The following PTPRT variants were observed in gnomAD, a reference collection of about 807,000 sequenced individuals.
The protein encoded by PTPRT is protein tyrosine phosphatase receptor type T.
PTPRT carries 56 observed loss-of-function variants against 176.8 expected under a neutral mutation model. The ratio of observed to expected loss-of-function variants is 0.32; its 90% CI spans 0.26 to 0.40. The LOEUF (loss-of-function observed/expected upper bound fraction) is 0.40. PTPRT is among the 10% of genes least tolerant of loss of function. PTPRT has a pLI of 1.00. For missense variants in PTPRT, 1,540 were observed against 1,908.2 expected, an observed-to-expected ratio of 0.81 and a Z score of 3.60; for synonymous variants, 783 against 739.0, an observed-to-expected ratio of 1.06 and a Z score of -0.96.
chr20:42,603,998 A>C (rs1166751855), intron 7 of PTPRT, among the ~76,000 whole-genome samples: 1 of 152,200 alleles, frequency 6.6e-6, no homozygotes. Context: ...TATTTGTAGA[A>C]GCAAATCCAA....
chr20:42,266,119 C>A (rs528389019), intron 13 of PTPRT, among the ~76,000 whole-genome samples: 3 of 152,264 alleles, frequency 2.0e-5, no homozygotes, highest in African/African-American at 7.2e-5. Flanking sequence ...CATGATTAGG[C>A]CTGGCTGTAC....
chr20:42,565,771 G>A (rs769827535), intron 7 of PTPRT, among the ~76,000 whole-genome samples: 1 of 152,150 alleles, frequency 6.6e-6, no homozygotes, highest in Non-Finnish European at 1.5e-5. Flanking sequence ...CCGGGGCAGG[G>A]AGTGGGGTTT....
chr20:43,100,191 C>G (rs1050410989), intron 1 of PTPRT, among the ~76,000 whole-genome samples: 2 of 152,018 alleles, frequency 1.3e-5, no homozygotes, highest in African/African-American at 4.8e-5. Context: ...GCCTGGCCAA[C>G]CAGGGTAAAA....
the PTPRT span, among the ~76,000 whole-genome samples, chr20:42,054,734 C>A: frequency 6.6e-6 from 1 of 152,186 alleles, no homozygotes; most frequent in Non-Finnish European, 1.5e-5. Flanking sequence ...CCAGGCCATT[C>A]ATAGAAGGTC....
At chr20:42,736,670 G>A (rs2076545125) in intron 6 of PTPRT, among the ~76,000 whole-genome samples, 1 of 152,232 alleles carries the variant, frequency 6.6e-6, no homozygotes, top group African/African-American at 2.4e-5. Context: ...AGGGGTTCCT[G>A]AGAACTATGG....
intron 3 of PTPRT, among the ~76,000 whole-genome samples, chr20:42,788,512 A>G (rs1388885420): frequency 6.6e-6 from 1 of 152,114 alleles, no homozygotes; most frequent in African/African-American, 2.4e-5. Context: ...GCTGGGGGAA[A>G]AGCAAAGGAA....
intron 6 of PTPRT, among the ~76,000 whole-genome samples, chr20:42,712,943 G>C (rs1044121612): frequency 1.3e-5 from 2 of 152,136 alleles, no homozygotes; most frequent in African/African-American, 4.8e-5. Flanking sequence ...ATATCCCAGA[G>C]CTATGAGAAA....
chr20:43,083,347 T>TATACATATATAC (rs2011506495), intron 1 of PTPRT, among the ~76,000 whole-genome samples: 1 of 97,786 alleles, frequency 1.0e-5, no homozygotes, highest in African/African-American at 3.6e-5. Context: ...TATATATATA[T>TATACATATATAC]ATATATATAT....
chr20:42,766,448 C>G, intron 5 of PTPRT, among the ~76,000 whole-genome samples: 2 of 152,338 alleles, frequency 1.3e-5, no homozygotes, highest in Middle Eastern at 6.8e-3. Flanking sequence ...ATTTCTGCAT[C>G]GGTCCTGTCC....
chr20:42,647,742 G>C (rs948602813), intron 7 of PTPRT, among the ~76,000 whole-genome samples: 1 of 152,192 alleles, frequency 6.6e-6, no homozygotes, highest in African/African-American at 2.4e-5. Context: ...CCCGCTAACA[G>C]GGACAGCGTC....
chr20:42,320,024 G>C (rs1330012902), intron 11 of PTPRT, among the ~76,000 whole-genome samples: 1 of 152,112 alleles, frequency 6.6e-6, no homozygotes, highest in Admixed American at 6.5e-5. Context: ...CTCCTCTTGT[G>C]ACACCCTCTC....
At chr20:42,584,608 T>C (rs1363149199) in intron 7 of PTPRT, among the ~76,000 whole-genome samples, 2 of 152,148 alleles carry the variant, frequency 1.3e-5, no homozygotes, top group African/African-American at 2.4e-5. Flanking sequence ...CATGCTTTAT[T>C]TTTCTTCATA....
At chr20:42,520,470 A>G (rs2072151489) in intron 7 of PTPRT, among the ~76,000 whole-genome samples, 1 of 151,962 alleles carries the variant, frequency 6.6e-6, no homozygotes, top group South Asian at 2.1e-4. Flanking sequence ...CCCAGGCACC[A>G]CGGCTTAGAT....
intron 5 of PTPRT, among the ~76,000 whole-genome samples, chr20:42,758,997 C>A (rs568979026): frequency 2.0e-4 from 30 of 152,276 alleles, no homozygotes. Flanking sequence ...TGCAATGCCC[C>A]GGAAATTCCC....
At chr20:42,157,630 C>CG (rs1989419239) in intron 17 of PTPRT, among the ~76,000 whole-genome samples, 1 of 152,068 alleles carries the variant, frequency 6.6e-6, no homozygotes, top group Non-Finnish European at 1.5e-5. Flanking sequence ...TTCTTCCCCC[C>CG]CCAATATTTC....
rs537173467 is a variant in PTPRT at position 43,093,510 on chromosome 20, T to C, written c.88+96136A>G. On this transcript the variant is annotated intron_variant, in intron 1 of 30. Coordinates refer to ENST00000373187, the MANE Select transcript of PTPRT (RefSeq NM_007050.6). ...GTCTAGAACTTACCAACATGAAGCCTTGTGAATGCACAGGTGTATGCTCAC... is the reference window on the plus strand; with the variant it reads ...GTCTAGAACTTACCAACATGAAGCCCTGTGAATGCACAGGTGTATGCTCAC... 9.8e-4 allele frequency among the ~76,000 whole-genome samples: 149 copies of C among 152,340 alleles called. 1 individual carries two copies. Among genetic ancestry groups the C allele is most frequent in the African/African-American group, 3.5e-3 (146 of 41,592 alleles).
intron 15 of PTPRT, among the ~76,000 whole-genome samples, chr20:42,209,815 G>C (rs1333719131): frequency 6.6e-6 from 1 of 152,172 alleles, no homozygotes. Flanking sequence ...GCATCATTCT[G>C]ATACCAAAGC....
At chr20:42,903,483 A>G (rs2079433034) in intron 1 of PTPRT, among the ~76,000 whole-genome samples, 1 of 152,240 alleles carries the variant, frequency 6.6e-6, no homozygotes, top group Non-Finnish European at 1.5e-5. Flanking sequence ...CCATACAGTC[A>G]ATTAAACTCG....
intron 1 of PTPRT, among the ~76,000 whole-genome samples, chr20:43,127,025 TAAGGC>T (rs571510192): frequency 1.3e-5 from 2 of 152,142 alleles, no homozygotes; most frequent in Non-Finnish European, 2.9e-5. Flanking sequence ...GAAATGGAAA[TAAGGC>T]AAGGGTGAAA....
Sources: allele counts gnomAD v4.1 joint callset (sites outside exome capture counted in the v4.1 genomes callset), GRCh38; gene constraint gnomAD v4.1.1; transcripts MANE v1.5; gene names NCBI Gene and HGNC (gene_info 2026-07-23, HGNC 2026-07-21).